SUGCT: variants seen among roughly 807,000 people sequenced by gnomAD.
SUGCT encodes succinyl-CoA:glutarate-CoA transferase, also known as succinyl-CoA:glutarate CoA-transferase.
A neutral mutation model predicts 55.0 loss-of-function variants in SUGCT; 41 were observed. The observed-to-expected ratio is 0.74, with a 90% CI of 0.58 to 0.97. The LOEUF (loss-of-function observed/expected upper bound fraction) is 0.97. Ranked by LOEUF, SUGCT falls within the 50% of genes least tolerant of loss-of-function variation. SUGCT has a pLI of 0.00. For missense variants in SUGCT, 568 were observed against 547.8 expected, an observed-to-expected ratio of 1.04 and a Z score of -0.37; for synonymous variants, 187 against 200.4, an observed-to-expected ratio of 0.93 and a Z score of 0.56.
intron 9 of SUGCT, among the ~76,000 whole-genome samples, chr7:40,362,425 T>TC (rs1182331727): frequency 6.7e-6 from 1 of 150,090 alleles, no homozygotes; most frequent in Non-Finnish European, 1.5e-5. Flanking sequence ...TCCCCGCCGC[T>TC]CCCCCCTCAA....
chr7:40,378,195 T>A (rs576687218), intron 9 of SUGCT, among the ~76,000 whole-genome samples: 1 of 150,162 alleles, frequency 6.7e-6, no homozygotes, highest in South Asian at 2.1e-4. Flanking sequence ...TCCCCTGTCC[T>A]CCTCTTCTCC....
the SUGCT span, among the ~76,000 whole-genome samples, chr7:40,895,865 C>A: frequency 1.3e-5 from 2 of 152,132 alleles, no homozygotes; most frequent in Non-Finnish European, 2.9e-5. Context: ...ATAATAAAAA[C>A]CACATATGAT....
At chr7:40,924,265 C>CGTGTGTGT in the SUGCT span, among the ~76,000 whole-genome samples, 1,949 of 136,100 alleles carry the variant, frequency 0.014, 55 homozygotes, top group African/African-American at 0.046. Context: ...CTTTCAATTA[C>CGTGTGTGT]GTGTGTGTGT....
At chr7:40,275,637 A>G (rs1176583440) in intron 8 of SUGCT, among the ~76,000 whole-genome samples, 5 of 152,178 alleles carry the variant, frequency 3.3e-5, no homozygotes, top group Admixed American at 2.6e-4. Flanking sequence ...TGTCACCTAC[A>G]TTTATAATAG....
At chr7:40,425,356 A>T (rs970565880) in intron 9 of SUGCT, among the ~76,000 whole-genome samples, 5 of 151,992 alleles carry the variant, frequency 3.3e-5, no homozygotes, top group Non-Finnish European at 5.9e-5. Flanking sequence ...TCAGGATCTC[A>T]TGTTTGATCG....
intron 13 of SUGCT, among the ~76,000 whole-genome samples, chr7:40,769,591 C>G (rs1034769016): frequency 9.2e-5 from 14 of 152,190 alleles, no homozygotes; most frequent in Admixed American, 8.5e-4. Flanking sequence ...CCAAGAAATG[C>G]AGGCCATCAC....
At chr7:40,168,503 G>A (rs1784525983) in intron 1 of SUGCT, among the ~76,000 whole-genome samples, 1 of 152,188 alleles carries the variant, frequency 6.6e-6, no homozygotes, top group African/African-American at 2.4e-5. Context: ...ACTTAACAAG[G>A]AGGTTAAAGA....
At chr7:40,675,722 G>T (rs1198237332) in intron 12 of SUGCT, among the ~76,000 whole-genome samples, 2 of 152,158 alleles carry the variant, frequency 1.3e-5, no homozygotes, top group African/African-American at 4.8e-5. Flanking sequence ...TCAGGAACGG[G>T]GAGACATCCA....
At chr7:40,697,573 G>A (rs1416133381) in intron 12 of SUGCT, among the ~76,000 whole-genome samples, 1 of 152,176 alleles carries the variant, frequency 6.6e-6, no homozygotes, top group Non-Finnish European at 1.5e-5. Context: ...GGGAGGCGGA[G>A]GTTGCAGTGA....
At chr7:40,818,769 T>A (rs892203929) in intron 13 of SUGCT, among the ~76,000 whole-genome samples, 2 of 152,112 alleles carry the variant, frequency 1.3e-5, no homozygotes, top group Non-Finnish European at 2.9e-5. Context: ...TTATCTTTTT[T>A]TAAATATACT....
At chr7:40,870,469 C>T in the SUGCT span, among the ~76,000 whole-genome samples, 11 of 152,296 alleles carry the variant, frequency 7.2e-5, no homozygotes, top group African/African-American at 1.9e-4. Context: ...AGGGCCCACC[C>T]ACACAGTCCA....
intron 6 of SUGCT, among the ~76,000 whole-genome samples, chr7:40,204,199 C>T (rs1043749988): frequency 8.6e-5 from 13 of 152,002 alleles, no homozygotes; most frequent in African/African-American, 2.9e-4. Context: ...CTATGTTGCC[C>T]AGACTAGTCT....
At chr7:40,385,797 G>A (rs1785091324) in intron 9 of SUGCT, among the ~76,000 whole-genome samples, 1 of 152,024 alleles carries the variant, frequency 6.6e-6, no homozygotes, top group Admixed American at 6.5e-5. Flanking sequence ...AATGCATATT[G>A]CTGTTTAGTT....
chr7:40,614,127 G>GTT (rs397802473), intron 12 of SUGCT, among the ~76,000 whole-genome samples: 2 of 142,828 alleles, frequency 1.4e-5, no homozygotes, highest in African/African-American at 2.5e-5. Flanking sequence ...CCCCAAGGCT[G>GTT]TTTTTTTTTT....
intron 12 of SUGCT, among the ~76,000 whole-genome samples, chr7:40,672,235 T>C (rs116537945): frequency 0.011 from 1,625 of 152,282 alleles, 28 homozygotes; most frequent in African/African-American, 0.037. Context: ...CTTTAGGATC[T>C]GGGTTAAGCA....
chr7:40,213,840 G>T (rs1337670059), intron 6 of SUGCT, among the ~76,000 whole-genome samples: 1 of 152,110 alleles, frequency 6.6e-6, no homozygotes, highest in Non-Finnish European at 1.5e-5. Flanking sequence ...TGCTCTTTCA[G>T]GTTGACTTTT....
At chr7:40,988,535 C>T in the SUGCT span, among the ~76,000 whole-genome samples, 1 of 151,862 alleles carries the variant, frequency 6.6e-6, no homozygotes, top group Non-Finnish European at 1.5e-5. Flanking sequence ...TTATAGAGTG[C>T]TCTACAGCTG....
chr7:40,811,432 A>C (rs1324807696), intron 13 of SUGCT, among the ~76,000 whole-genome samples: 2 of 152,068 alleles, frequency 1.3e-5, no homozygotes, highest in Non-Finnish European at 2.9e-5. Flanking sequence ...TGTTTAATGT[A>C]TGATTTCTTT....
At chr7:40,407,941 A>G (rs1786468723) in intron 9 of SUGCT, among the ~76,000 whole-genome samples, 2 of 151,826 alleles carry the variant, frequency 1.3e-5, no homozygotes, top group South Asian at 4.2e-4. Flanking sequence ...TATTTTACCT[A>G]TTTTCTTTGA....
Sources: gnomAD v4.1 joint callset for allele counts (sites outside exome capture counted in the v4.1 genomes callset) on GRCh38, gnomAD v4.1.1 for gene constraint, MANE v1.5 for transcripts, NCBI Gene and HGNC (gene_info 2026-07-23, HGNC 2026-07-21) for gene names.